The following GPR137C variants were observed in gnomAD, a reference collection of about 807,000 sequenced individuals.
GPR137C encodes the protein integral membrane protein GPR137C.
Under a neutral mutation model 43.4 loss-of-function variants are expected in GPR137C, and 27 were observed. The observed-to-expected ratio is 0.62, with a 90% CI of 0.46 to 0.86. The LOEUF (loss-of-function observed/expected upper bound fraction) is 0.86, where lower values mean the gene tolerates loss of function less well. Among genes scored for constraint, GPR137C ranks in the 40% least tolerant of loss-of-function variants. GPR137C has a pLI of 0.00. For synonymous variants in GPR137C, 285 were observed against 226.9 expected (o/e 1.26, Z -2.30); for missense variants, 522 against 534.6 (o/e 0.98, Z 0.23).
intron 1 of GPR137C, among the ~76,000 whole-genome samples, chr14:52,580,876 T>A (rs140392538): frequency 2.0e-5 from 3 of 147,926 alleles, no homozygotes; most frequent in African/African-American, 7.4e-5. Flanking sequence ...TCTTAGTAGA[T>A]AAAATATATA....
intron 3 of GPR137C, among the ~76,000 whole-genome samples, chr14:52,627,445 A>G (rs2039240902): frequency 6.6e-6 from 1 of 152,216 alleles, no homozygotes; most frequent in Non-Finnish European, 1.5e-5. Flanking sequence ...AAACTCACCA[A>G]GTGGTATACA....
chr14:52,577,514 G>GCACACACA (rs752625898), intron 1 of GPR137C, among the ~76,000 whole-genome samples: 5,822 of 118,326 alleles, frequency 0.049, 132 homozygotes, highest in Non-Finnish European at 0.054. Context: ...GTGCGCGCGC[G>GCACACACA]CGCACACACA....
chr14:52,612,665 A>G (rs993432513), intron 3 of GPR137C: 4 of 241,042 alleles, frequency 1.7e-5, no homozygotes, highest in Non-Finnish European at 2.7e-5. Flanking sequence ...GGGCTTATGT[A>G]ATTCTCCTAC....
At chr14:52,560,226 A>T (rs1219514273) in intron 1 of GPR137C, among the ~76,000 whole-genome samples, 1 of 152,222 alleles carries the variant, frequency 6.6e-6, no homozygotes, top group Non-Finnish European at 1.5e-5. Context: ...AAGATGTGCA[A>T]GACCTCTACA....
intron 3 of GPR137C, among the ~76,000 whole-genome samples, chr14:52,603,972 A>T (rs1301671066): frequency 1.3e-5 from 2 of 152,122 alleles, no homozygotes; most frequent in African/African-American, 4.8e-5. Context: ...CTATAGTGAG[A>T]TGATAACCCA....
At chr14:52,620,428 G>A (rs1355974316) in intron 3 of GPR137C, among the ~76,000 whole-genome samples, 3 of 152,010 alleles carry the variant, frequency 2.0e-5, no homozygotes, top group Non-Finnish European at 2.9e-5. Context: ...TTTCAGTTCA[G>A]CCAAGTTAAT....
chr14:52,634,931 G>A lies in GPR137C; in HGVS notation c.1113-7G>A. The A allele has an allele frequency of 1.2e-6, 2 of 1,601,762 alleles. No individual in the cohort carries two copies. Among genetic ancestry groups the A allele is most frequent in the Non-Finnish European group, 1.7e-6 (2 of 1,176,028 alleles). On this transcript the variant is annotated splice_polypyrimidine_tract_variant and splice_region_variant and intron_variant, in intron 6 of 6. Transcript: ENST00000321662. ...CCTATGGTCTTTTTGCCTTTTTTTT[G>A]TTGCAGTTTACCAAATTCGCAAAGT...
intron 1 of GPR137C, among the ~76,000 whole-genome samples, chr14:52,575,979 G>T (rs1265237540): frequency 6.6e-6 from 1 of 152,126 alleles, no homozygotes; most frequent in Non-Finnish European, 1.5e-5. Flanking sequence ...GTTGTTCGGG[G>T]TTTTTACTGG....
intron 1 of GPR137C, among the ~76,000 whole-genome samples, chr14:52,555,251 T>A (rs759811334): frequency 6.6e-6 from 1 of 152,198 alleles, no homozygotes; most frequent in Non-Finnish European, 1.5e-5. Context: ...AATGATTCAC[T>A]GTAAAATAGT....
intron 3 of GPR137C, among the ~76,000 whole-genome samples, chr14:52,630,926 T>C (rs951758326): frequency 1.3e-5 from 2 of 152,148 alleles, no homozygotes; most frequent in African/African-American, 4.8e-5. Flanking sequence ...ACAGAAACCA[T>C]GAATGGGGCA....
chr14:52,573,957 CAT>C lies in GPR137C; in HGVS notation c.444+20369_444+20370del, dbSNP rs542259322. Among the ~76,000 whole-genome samples the C allele has an allele frequency of 6.9e-3, 1,048 of 152,146 alleles. 15 individuals are homozygous for C. The highest frequency in any genetic ancestry group is 0.023 in the African/African-American group (974 of 41,498). Reference sequence around the variant, plus strand: ...AAGAAGACATTTATGTGGCCACAAACATATGAAAAAAAGCTCATCATCACTGG... The same window carrying C: ...AAGAAGACATTTATGTGGCCACAAACATGAAAAAAAGCTCATCATCACTGG... On this transcript the variant is annotated intron_variant, in intron 1 of 6. Coordinates refer to ENST00000321662, the MANE Select transcript of GPR137C (RefSeq NM_001099652.2).
chr14:52,575,623 A>G (rs2038538863), intron 1 of GPR137C, among the ~76,000 whole-genome samples: 2 of 152,324 alleles, frequency 1.3e-5, no homozygotes, highest in South Asian at 4.1e-4. Context: ...ACATTAATAA[A>G]GCAGTATTTG....
intron 1 of GPR137C, among the ~76,000 whole-genome samples, chr14:52,577,505 TGCGCGC>T (rs765290271): frequency 7.3e-6 from 1 of 136,536 alleles, no homozygotes. Flanking sequence ...CATGCACGCG[TGCGCGC>T]GCGCGCACAC....
Position 52,599,218 on chromosome 14 carries a change from G to C in GPR137C, c.489-895G>C, listed in dbSNP as rs74321895. Among the ~76,000 whole-genome samples, 810 of 152,170 alleles carry C rather than the reference G, an allele frequency of 5.3e-3. 12 individuals carry two copies. Among genetic ancestry groups the C allele is most frequent in the African/African-American group, 0.019 (778 of 41,504 alleles). On this transcript the variant is annotated intron_variant, in intron 2 of 6. Coordinates refer to ENST00000321662, the MANE Select transcript of GPR137C (RefSeq NM_001099652.2). Reference sequence around the variant, plus strand: ...ATGAGGTAGCCTAAATTTTCTTAGGGGGAAGAGATTAAGGAGTTCATGTGC... The same window carrying C: ...ATGAGGTAGCCTAAATTTTCTTAGGCGGAAGAGATTAAGGAGTTCATGTGC...
rs559803731 is a variant in GPR137C, at chr14:52,636,159, A to G, written c.*1044A>G. 1 of 152,208 alleles carries G rather than the reference A, an allele frequency of 6.6e-6. No individual in the cohort carries two copies. The highest frequency in any genetic ancestry group is 2.1e-4 in the South Asian group (1 of 4,830). 9.4% of individuals were successfully genotyped at this position (152,208 alleles called of 1,614,324 possible). ...ATTTTCACATTTTTATATCTTATAT[A>G]TGGGAAAAGCCAAATTAAATTGAAT... On this transcript the variant is annotated 3_prime_UTR_variant, in exon 7 of 7. Coordinates refer to ENST00000321662, the MANE Select transcript of GPR137C (RefSeq NM_001099652.2).
At chr14:52,625,707 A>G (rs1213708406) in intron 3 of GPR137C, among the ~76,000 whole-genome samples, 1 of 151,448 alleles carries the variant, frequency 6.6e-6, no homozygotes, top group African/African-American at 2.4e-5. Flanking sequence ...GGCACCCGCC[A>G]CCATGCCCGG....
intron 1 of GPR137C, among the ~76,000 whole-genome samples, chr14:52,585,198 A>G (rs933127017): frequency 2.0e-5 from 3 of 152,240 alleles, no homozygotes; most frequent in Non-Finnish European, 4.4e-5. Context: ...ATTTTTTATT[A>G]TAACAAAGAG....
At chr14:52,595,524 C>G (rs1168548574) in intron 1 of GPR137C, among the ~76,000 whole-genome samples, 3 of 152,046 alleles carry the variant, frequency 2.0e-5, no homozygotes, top group Admixed American at 6.6e-5. Flanking sequence ...TTTCTTTTTA[C>G]TCTTTTTTCT....
At chr14:52,589,621 T>G (rs929095120) in intron 1 of GPR137C, among the ~76,000 whole-genome samples, 1 of 152,174 alleles carries the variant, frequency 6.6e-6, no homozygotes, top group Admixed American at 6.5e-5. Context: ...TATTTTAGAC[T>G]CCTTCATTAC....
Sources: allele counts gnomAD v4.1 joint callset (sites outside exome capture counted in the v4.1 genomes callset), GRCh38; gene constraint gnomAD v4.1.1; transcripts MANE v1.5; gene names NCBI Gene and HGNC (gene_info 2026-07-23, HGNC 2026-07-21).